IQCM: variants seen among roughly 807,000 people sequenced by gnomAD.
The protein encoded by IQCM is IQ motif containing M, also known as IQ domain-containing protein M.
In IQCM, 45 loss-of-function variants were observed where a neutral mutation model predicts 57.6. The observed-to-expected ratio is 0.78, with a 90% CI of 0.62 to 1.00. IQCM has a LOEUF of 1.00. Among genes scored for constraint, IQCM ranks in the 50% least tolerant of loss-of-function variants. The pLI is 0.00. For synonymous variants in IQCM, 148 were observed against 158.9 expected, an observed-to-expected ratio of 0.93 and a Z score of 0.51; for missense variants, 468 against 511.6, an observed-to-expected ratio of 0.91 and a Z score of 0.82.
At chr4:149,536,213 T>A (rs534410084) in intron 12 of IQCM, among the ~76,000 whole-genome samples, 4 of 152,084 alleles carry the variant, frequency 2.6e-5, no homozygotes, top group Non-Finnish European at 4.4e-5. Flanking sequence ...AACATCCATT[T>A]ACAGTAGGCA....
chr4:149,508,686 A>G (rs558737914), intron 12 of IQCM, among the ~76,000 whole-genome samples: 6 of 152,268 alleles, frequency 3.9e-5, no homozygotes, highest in Non-Finnish European at 5.9e-5. Flanking sequence ...GAGACTTTGG[A>G]CTATGGACTT....
chr4:149,761,515 C>T (rs1413569211), intron 2 of IQCM, among the ~76,000 whole-genome samples: 3 of 152,116 alleles, frequency 2.0e-5, no homozygotes, highest in African/African-American at 7.2e-5. Context: ...TGCTCCTCCT[C>T]ATCAGAAGTC....
intron 13 of IQCM, among the ~76,000 whole-genome samples, chr4:149,378,326 G>A (rs1350222520): frequency 6.6e-6 from 1 of 152,164 alleles, no homozygotes; most frequent in African/African-American, 2.4e-5. Context: ...GGTAGGAACA[G>A]TTGGAGGGCT....
intron 6 of IQCM, among the ~76,000 whole-genome samples, chr4:149,682,433 A>T (rs1193696692): frequency 1.3e-5 from 2 of 151,160 alleles, no homozygotes. Context: ...AAATAGGAAC[A>T]TTTGCTTTCC....
intron 7 of IQCM, among the ~76,000 whole-genome samples, chr4:149,663,439 C>T (rs997077847): frequency 2.6e-5 from 4 of 152,038 alleles, no homozygotes; most frequent in African/African-American, 9.7e-5. Context: ...CTCTTGTTTA[C>T]AGCTGTAATA....
intron 8 of IQCM, among the ~76,000 whole-genome samples, chr4:149,616,291 G>A (rs1377664268): frequency 1.3e-5 from 2 of 152,194 alleles, no homozygotes; most frequent in Non-Finnish European, 2.9e-5. Flanking sequence ...GACACATGAT[G>A]CAATGTGTAT....
intron 13 of IQCM, among the ~76,000 whole-genome samples, chr4:149,407,723 T>C (rs1455037853): frequency 6.6e-6 from 1 of 152,154 alleles, no homozygotes; most frequent in Non-Finnish European, 1.5e-5. Flanking sequence ...AATCTTTGGA[T>C]GATGAACAGT....
At chr4:149,616,302 G>A (rs887631882) in intron 8 of IQCM, among the ~76,000 whole-genome samples, 2 of 152,158 alleles carry the variant, frequency 1.3e-5, no homozygotes, top group Admixed American at 1.3e-4. Context: ...CAATGTGTAT[G>A]AACCTTGAAA....
chr4:149,505,892 C>T (rs1743763886), intron 12 of IQCM, among the ~76,000 whole-genome samples: 3 of 152,108 alleles, frequency 2.0e-5, no homozygotes, highest in Admixed American at 6.5e-5. Flanking sequence ...CTGACACTGG[C>T]CTGAAGCCGT....
chr4:149,696,184 T>A (rs960819688), intron 5 of IQCM, among the ~76,000 whole-genome samples: 2 of 152,182 alleles, frequency 1.3e-5, no homozygotes, highest in African/African-American at 4.8e-5. Flanking sequence ...CTGTGGAAAC[T>A]GCTCTCATCA....
At chr4:149,756,488 C>T (rs1768978106) in intron 2 of IQCM, among the ~76,000 whole-genome samples, 1 of 152,108 alleles carries the variant, frequency 6.6e-6, no homozygotes, top group African/African-American at 2.4e-5. Context: ...TCATACAACA[C>T]ACCCAAACAT....
intron 5 of IQCM, 134 bp downstream of exon 5, chr4:149,733,110 C>CAG (rs1193039588): frequency 1.3e-6 from 1 of 765,498 alleles, no homozygotes; most frequent in Admixed American, 4.3e-5. Flanking sequence ...AATAATCAGG[C>CAG]CTCCCTACCT....
chr4:149,684,428 C>T (rs1366630954), intron 6 of IQCM, among the ~76,000 whole-genome samples: 1 of 151,296 alleles, frequency 6.6e-6, no homozygotes, highest in Non-Finnish European at 1.5e-5. Context: ...CAGCATTTTT[C>T]AAGGCATCTT....
At chr4:149,490,213 G>GAT (rs138004205) in intron 12 of IQCM, among the ~76,000 whole-genome samples, 38 of 150,842 alleles carry the variant, frequency 2.5e-4, no homozygotes, top group Admixed American at 1.2e-3. Flanking sequence ...TCAATTACCA[G>GAT]ATATATATAT....
At chr4:149,413,418 G>A (rs1040124461) in intron 13 of IQCM, among the ~76,000 whole-genome samples, 6 of 152,144 alleles carry the variant, frequency 3.9e-5, no homozygotes, top group Admixed American at 3.9e-4. Flanking sequence ...GGGAGCAGAG[G>A]CTGACGCTGA....
chr4:149,764,057 C>T (rs1241961368), intron 2 of IQCM, among the ~76,000 whole-genome samples: 1 of 152,046 alleles, frequency 6.6e-6, no homozygotes, highest in African/African-American at 2.4e-5. Context: ...AATCACAAGG[C>T]AAATTTGGAT....
intron 12 of IQCM, among the ~76,000 whole-genome samples, chr4:149,448,235 G>C (rs540423802): frequency 6.6e-6 from 1 of 151,562 alleles, no homozygotes; most frequent in Non-Finnish European, 1.5e-5. Flanking sequence ...GAAAGATTTT[G>C]AAAACTTTAG....
At chr4:149,475,994 G>T (rs928010735) in intron 12 of IQCM, among the ~76,000 whole-genome samples, 7 of 152,160 alleles carry the variant, frequency 4.6e-5, no homozygotes, top group Non-Finnish European at 7.4e-5. Flanking sequence ...AGAAGTGGCA[G>T]ATGACAGAGG....
At chr4:149,753,054 A>T (rs2055638) in intron 2 of IQCM, among the ~76,000 whole-genome samples, 42,289 of 152,124 alleles carry the variant, frequency 0.28, 8,716 homozygotes, top group African/African-American at 0.54. Flanking sequence ...AAACTGTGAA[A>T]CAGAAAGTGG....
Sources: allele counts gnomAD v4.1 joint callset (sites outside exome capture counted in the v4.1 genomes callset), GRCh38; gene constraint gnomAD v4.1.1; transcripts MANE v1.5; gene names NCBI Gene and HGNC (gene_info 2026-07-23, HGNC 2026-07-21).